CERS3: variants seen among roughly 807,000 people sequenced by gnomAD.
The protein encoded by CERS3 is LAG1 homolog, ceramide synthase 3.
In CERS3, 33 loss-of-function variants were observed where a neutral mutation model predicts 50.3. The ratio of observed to expected loss-of-function variants is 0.66; its 90% CI spans 0.50 to 0.88. The LOEUF (loss-of-function observed/expected upper bound fraction) is 0.88. Among genes scored for constraint, CERS3 ranks in the 40% least tolerant of loss-of-function variants. CERS3 has a pLI of 0.00. For synonymous variants in CERS3, 176 were observed against 155.2 expected, an observed-to-expected ratio of 1.13 and a Z score of -0.99; for missense variants, 470 against 460.3, an observed-to-expected ratio of 1.02 and a Z score of -0.19.
intron 2 of CERS3, among the ~76,000 whole-genome samples, chr15:100,511,431 T>A (rs2036335645): frequency 6.6e-6 from 1 of 150,766 alleles, no homozygotes; most frequent in South Asian, 2.1e-4. Context: ...AGGGACTTTT[T>A]CCATCATAAG....
At chr15:100,455,761 A>T in intron 11 of CERS3, 132 bp downstream of exon 11, 1 of 619,866 alleles carries the variant, frequency 1.6e-6, no homozygotes, top group Non-Finnish European at 2.4e-6. Flanking sequence ...CCAAAATTTT[A>T]ATCAAAAATA....
At chr15:100,473,944 T>C (rs968141936) in intron 8 of CERS3, among the ~76,000 whole-genome samples, 7 of 152,214 alleles carry the variant, frequency 4.6e-5, no homozygotes, top group Non-Finnish European at 7.3e-5. Context: ...GACTATTACT[T>C]AGCAATAAAA....
chr15:100,509,445 C>G (rs1444829061), intron 2 of CERS3, among the ~76,000 whole-genome samples: 1 of 152,184 alleles, frequency 6.6e-6, no homozygotes, highest in African/African-American at 2.4e-5. Flanking sequence ...GAACATATCT[C>G]TCAGATAGAG....
intron 11 of CERS3, among the ~76,000 whole-genome samples, chr15:100,417,616 C>T (rs1394632727): frequency 6.6e-6 from 1 of 152,022 alleles, no homozygotes; most frequent in Non-Finnish European, 1.5e-5. Flanking sequence ...GTAGGCTCCA[C>T]CTCTGGGGGC....
At chr15:100,528,580 G>C (rs757800134) in intron 1 of CERS3, among the ~76,000 whole-genome samples, 3 of 152,106 alleles carry the variant, frequency 2.0e-5, no homozygotes, top group Non-Finnish European at 4.4e-5. Flanking sequence ...ACACTTCCAA[G>C]CAAAACTCTA....
chr15:100,471,385 G>C (rs2034962851), intron 9 of CERS3, among the ~76,000 whole-genome samples: 1 of 152,140 alleles, frequency 6.6e-6, no homozygotes. Flanking sequence ...GTTACTTAGG[G>C]AATCATGTCA....
intron 10 of CERS3, among the ~76,000 whole-genome samples, chr15:100,468,605 G>T (rs1475238989): frequency 1.3e-5 from 2 of 152,096 alleles, no homozygotes; most frequent in Non-Finnish European, 2.9e-5. Context: ...TCTGTTTGGA[G>T]GATCCCAAGT....
rs537919157 is a variant in CERS3, at chr15:100,438,526, G to T, written c.999+17367C>A. Among the ~76,000 whole-genome samples the T allele has an allele frequency of 9.9e-5, 15 of 152,226 alleles. No individual in the cohort carries two copies. In the East Asian group the frequency reaches 2.3e-3, roughly 23 times the overall value. ...ATTTTTTTACCTTAACTCAAATAAA[G>T]AATAATTTAAAAGGTGAAGTGTTAC... is the stretch of plus-strand genomic sequence containing the variant. On this transcript the variant is annotated intron_variant, in intron 11 of 11. Transcript: ENST00000679737.
chr15:100,479,566 T>A, intron 6 of CERS3, 88 bp from the exon 7 acceptor site: 1 of 939,628 alleles, frequency 1.1e-6, no homozygotes, highest in Middle Eastern at 2.5e-4. Context: ...CCTAAGCTCT[T>A]CCTTATGTCA....
At chr15:100,491,083 A>G in intron 3 of CERS3, 152 bp from the exon 4 acceptor site, 1 of 553,206 alleles carries the variant, frequency 1.8e-6, no homozygotes, top group South Asian at 2.4e-5. Flanking sequence ...TCTGTCTCTC[A>G]AAACAGAAAA....
chr15:100,521,071 A>G (rs563162257), intron 2 of CERS3, among the ~76,000 whole-genome samples: 3 of 152,320 alleles, frequency 2.0e-5, no homozygotes, highest in African/African-American at 7.2e-5. Context: ...AAGTTTAGAG[A>G]GATAAAGTGA....
intron 1 of CERS3, among the ~76,000 whole-genome samples, chr15:100,539,267 G>C (rs2037144798): frequency 6.6e-6 from 1 of 152,138 alleles, no homozygotes; most frequent in African/African-American, 2.4e-5. Context: ...CCTCCAAAGT[G>C]TTCCAACCCC....
intron 2 of CERS3, among the ~76,000 whole-genome samples, chr15:100,517,269 G>A (rs959696122): frequency 2.0e-5 from 3 of 152,236 alleles, no homozygotes; most frequent in African/African-American, 7.2e-5. Context: ...CCTATATACT[G>A]TTGGCATTGA....
At chr15:100,483,314 G>A (rs12324445) in intron 5 of CERS3, among the ~76,000 whole-genome samples, 3,415 of 152,228 alleles carry the variant, frequency 0.022, 135 homozygotes, top group African/African-American at 0.078. Flanking sequence ...TGATAATCTG[G>A]CCTCCCTAAT....
chr15:100,460,227 T>C (rs966407532), intron 10 of CERS3, among the ~76,000 whole-genome samples: 1 of 152,224 alleles, frequency 6.6e-6, no homozygotes, highest in Non-Finnish European at 1.5e-5. Flanking sequence ...CTGGCTTTAC[T>C]ACTTAGATAC....
chr15:100,456,100 T>A, intron 10 of CERS3, 54 bp from the exon 11 acceptor site: 3 of 1,390,642 alleles, frequency 2.2e-6, no homozygotes, highest in Non-Finnish European at 1.9e-6. Flanking sequence ...ACCTATGAAT[T>A]TTCAATAATA....
intron 1 of CERS3, among the ~76,000 whole-genome samples, chr15:100,540,666 A>G (rs1023234920): frequency 2.6e-5 from 4 of 152,238 alleles, no homozygotes; most frequent in Admixed American, 2.0e-4. Flanking sequence ...TGCTTCTGCA[A>G]TACAACTTGA....
intron 11 of CERS3, among the ~76,000 whole-genome samples, chr15:100,406,789 C>G (rs12913014): frequency 0.57 from 87,191 of 151,958 alleles, 25,247 homozygotes; most frequent in Non-Finnish European, 0.6. Context: ...ATATTAATCT[C>G]TTTCCACGCT....
chr15:100,429,373 C>CG (rs2032996769), intron 11 of CERS3, among the ~76,000 whole-genome samples: 2 of 152,104 alleles, frequency 1.3e-5, no homozygotes, highest in South Asian at 2.1e-4. Flanking sequence ...AGGGGTATTA[C>CG]GTAAGAAACA....
Sources: gnomAD v4.1 joint callset for allele counts (sites outside exome capture counted in the v4.1 genomes callset) on GRCh38, gnomAD v4.1.1 for gene constraint, MANE v1.5 for transcripts, NCBI Gene and HGNC (gene_info 2026-07-23, HGNC 2026-07-21) for gene names.